ST3GAL3: variants seen among roughly 807,000 people sequenced by gnomAD.
ST3GAL3 encodes ST3 beta-galactoside alpha-2,3-sialyltransferase 3.
In ST3GAL3, 21 loss-of-function variants were observed where a neutral mutation model predicts 50.1. The ratio of observed to expected loss-of-function variants is 0.42; its 90% confidence interval spans 0.30 to 0.60. The LOEUF is 0.60. ST3GAL3 is among the 20% of genes least tolerant of loss of function. The probability of loss-of-function intolerance (pLI) is 0.19; values close to 1 mark genes in which losing one functional copy is unlikely to be tolerated. For missense variants in ST3GAL3, 353 were observed against 489.4 expected (o/e 0.72, Z 2.63); for synonymous variants, 183 against 190.0 (o/e 0.96, Z 0.30).
chr1:43,835,398 T>G (rs1020070760), intron 4 of ST3GAL3, among the ~76,000 whole-genome samples: 4 of 152,186 alleles, frequency 2.6e-5, no homozygotes, highest in African/African-American at 4.8e-5. Context: ...TAAGGCATTT[T>G]AATTTGGTAA....
intron 2 of ST3GAL3, among the ~76,000 whole-genome samples, chr1:43,769,436 T>G (rs1029280090): frequency 6.6e-6 from 1 of 152,162 alleles, no homozygotes; most frequent in Non-Finnish European, 1.5e-5. Context: ...GATGAAAATC[T>G]TAACCGAGGA....
At chr1:43,738,342 A>C (rs1176982949) in intron 2 of ST3GAL3, 1 of 152,178 alleles carries the variant, frequency 6.6e-6, no homozygotes, top group Admixed American at 6.6e-5. Context: ...TAGCTTTTCT[A>C]TTCTGACTCC....
chr1:43,843,007 T>C (rs2065663541), intron 5 of ST3GAL3, among the ~76,000 whole-genome samples: 1 of 152,226 alleles, frequency 6.6e-6, no homozygotes, highest in East Asian at 1.9e-4. Flanking sequence ...CATTCATACA[T>C]GGACAGTCTT....
At chr1:43,758,014 A>G (rs1002273366) in intron 2 of ST3GAL3, among the ~76,000 whole-genome samples, 1 of 150,934 alleles carries the variant, frequency 6.6e-6, no homozygotes, top group African/African-American at 2.4e-5. Context: ...ATAAACAAAG[A>G]TATGTATAGA....
At chr1:43,824,715 A>G in intron 4 of ST3GAL3, 1 of 1,613,918 alleles carries the variant, frequency 6.2e-7, no homozygotes. Context: ...GAAAAAGCCA[A>G]ATTCCCACTT....
intron 5 of ST3GAL3, among the ~76,000 whole-genome samples, chr1:43,888,964 A>T (rs779234629): frequency 6.6e-6 from 1 of 152,228 alleles, no homozygotes; most frequent in African/African-American, 2.4e-5. Context: ...TAGAAAAGAC[A>T]TATGCATTAA....
At chr1:43,832,168 C>A (rs2063632747) in intron 4 of ST3GAL3, among the ~76,000 whole-genome samples, 1 of 152,206 alleles carries the variant, frequency 6.6e-6, no homozygotes, top group South Asian at 2.1e-4. Flanking sequence ...TAGTGGGGAG[C>A]ATCCCTCCAG....
At chr1:43,826,457 A>G (rs999010682) in intron 4 of ST3GAL3, among the ~76,000 whole-genome samples, 5 of 152,228 alleles carry the variant, frequency 3.3e-5, no homozygotes, top group African/African-American at 1.2e-4. Context: ...AGCAGAAACA[A>G]CAGTCTCAGA....
chr1:43,722,358 A>C (rs1670907179), intron 1 of ST3GAL3, among the ~76,000 whole-genome samples: 1 of 152,194 alleles, frequency 6.6e-6, no homozygotes, highest in Non-Finnish European at 1.5e-5. Flanking sequence ...GGCTCATAAA[A>C]AGATGAGGTG....
intron 2 of ST3GAL3, among the ~76,000 whole-genome samples, chr1:43,782,356 C>T (rs1250273477): frequency 6.6e-6 from 1 of 152,178 alleles, no homozygotes; most frequent in Non-Finnish European, 1.5e-5. Flanking sequence ...ACAAAGCTCT[C>T]CTGCTAGGTC....
intron 5 of ST3GAL3, among the ~76,000 whole-genome samples, chr1:43,888,126 A>AAG (rs370323419): frequency 6.6e-6 from 1 of 152,204 alleles, no homozygotes; most frequent in Non-Finnish European, 1.5e-5. Flanking sequence ...AGAAGAGGTA[A>AAG]AGAGAGGCCT....
At chr1:43,740,214 T>C (rs190588644) in intron 2 of ST3GAL3, among the ~76,000 whole-genome samples, 1 of 151,774 alleles carries the variant, frequency 6.6e-6, no homozygotes, top group East Asian at 1.9e-4. Context: ...ATACAAAAAA[T>C]TAGCCAGGTG....
chr1:43,826,151 A>C (rs2062770451), intron 4 of ST3GAL3, among the ~76,000 whole-genome samples: 1 of 151,954 alleles, frequency 6.6e-6, no homozygotes. Flanking sequence ...CCGTCTACTT[A>C]GTAGGTTGAG....
chr1:43,829,696 TTC>T (rs2063277157), intron 4 of ST3GAL3, among the ~76,000 whole-genome samples: 1 of 152,174 alleles, frequency 6.6e-6, no homozygotes, highest in Non-Finnish European at 1.5e-5. Context: ...CCCTTCTCCT[TTC>T]TCTCTTTTCT....
chr1:43,860,949 G>T (rs912468141), intron 5 of ST3GAL3, among the ~76,000 whole-genome samples: 2 of 152,236 alleles, frequency 1.3e-5, no homozygotes, highest in Non-Finnish European at 2.9e-5. Context: ...TGGCACTGCG[G>T]TGAGGCTGGT....
intron 1 of ST3GAL3, among the ~76,000 whole-genome samples, chr1:43,713,514 G>A (rs1300726997): frequency 1.4e-5 from 2 of 142,286 alleles, no homozygotes; most frequent in Admixed American, 7.7e-5. Flanking sequence ...AGATGCCAAC[G>A]TTGTGGGATT....
intron 11 of ST3GAL3, chr1:43,922,230 G>T (rs375868755): frequency 6.6e-6 from 1 of 152,358 alleles, no homozygotes; most frequent in African/African-American, 2.4e-5. Context: ...GGCTGGGCGC[G>T]GTGGCTCACG....
intron 5 of ST3GAL3, among the ~76,000 whole-genome samples, chr1:43,859,558 C>CA (rs943742859): frequency 3.0e-4 from 43 of 143,386 alleles, no homozygotes; most frequent in East Asian, 1.2e-3. Flanking sequence ...GACTCCATCT[C>CA]AAAAAAAAAA....
chr1:43,856,001 C>G (rs940164908), intron 5 of ST3GAL3, among the ~76,000 whole-genome samples: 4 of 152,160 alleles, frequency 2.6e-5, no homozygotes, highest in African/African-American at 9.7e-5. Flanking sequence ...ACACATTTCA[C>G]TATAGTTGAT....
Sources: allele counts gnomAD v4.1 joint callset (sites outside exome capture counted in the v4.1 genomes callset), GRCh38; gene constraint gnomAD v4.1.1; transcripts MANE v1.5; gene names NCBI Gene and HGNC (gene_info 2026-07-23, HGNC 2026-07-21).